Variants in RANBP2 observed in about 807,000 individuals in gnomAD.
RANBP2 encodes E3 SUMO-protein ligase RanBP2.
RANBP2 carries 57 observed loss-of-function variants against 303.6 expected under a neutral mutation model. That is an observed-to-expected ratio of 0.19 (90% CI 0.15 to 0.23). The LOEUF (loss-of-function observed/expected upper bound fraction) is 0.23. Ranked by LOEUF, RANBP2 falls within the 10% of genes least tolerant of loss-of-function variation. RANBP2 has a pLI of 1.00. For synonymous variants in RANBP2, 1,167 were observed against 1,301.5 expected (o/e 0.90, Z 2.23); for missense variants, 3,138 against 3,780.8 (o/e 0.83, Z 4.46).
chr2:109,097,803 T>C, the RANBP2 span, among the ~76,000 whole-genome samples: 1 of 151,802 alleles, frequency 6.6e-6, no homozygotes, highest in Non-Finnish European at 1.5e-5. Context: ...CCTGTAGGCC[T>C]GCTTGCTTCA....
the RANBP2 span, among the ~76,000 whole-genome samples, chr2:109,144,810 C>G: frequency 1.3e-5 from 2 of 152,226 alleles, no homozygotes; most frequent in South Asian, 4.1e-4. Context: ...CAGCAGAGCA[C>G]TGACCCGGGG....
the RANBP2 span, chr2:108,907,776 G>A: frequency 6.6e-7 from 1 of 1,519,256 alleles, no homozygotes; most frequent in East Asian, 2.3e-5. Context: ...TTGCAGGAGA[G>A]CTGATTCAAT....
At chr2:109,614,818 C>T in the RANBP2 span, 23 of 1,453,222 alleles carry the variant, frequency 1.6e-5, no homozygotes, top group Non-Finnish European at 2.0e-5. Flanking sequence ...GACGGCCCTG[C>T]CGGGCCCGAG....
the RANBP2 span, among the ~76,000 whole-genome samples, chr2:109,268,021 T>G: frequency 0.35 from 52,399 of 151,308 alleles, 10,210 homozygotes; most frequent in East Asian, 0.86. Context: ...GTCCTTGGAC[T>G]CTGTGTCCAG....
intron 20 of RANBP2, among the ~76,000 whole-genome samples, chr2:108,770,770 T>C (rs1677442904): frequency 6.6e-6 from 1 of 152,234 alleles, no homozygotes; most frequent in African/African-American, 2.4e-5. Flanking sequence ...CTAATTAATA[T>C]AAAAATTAAT....
At chr2:109,616,254 C>A in the RANBP2 span, 1 of 916,126 alleles carries the variant, frequency 1.1e-6, no homozygotes. Flanking sequence ...TTCAGAGATT[C>A]ATCATACCTT....
the RANBP2 span, among the ~76,000 whole-genome samples, chr2:109,640,897 C>T: frequency 1.4e-4 from 22 of 152,236 alleles, no homozygotes; most frequent in South Asian, 4.4e-3. Context: ...CCTTCCAAAT[C>T]GACTCTTAAA....
downstream of RANBP2, among the ~76,000 whole-genome samples, chr2:108,789,621 C>G (rs1679565889): frequency 6.6e-6 from 1 of 152,098 alleles, no homozygotes; most frequent in South Asian, 2.1e-4. Context: ...ACAAAAAAAA[C>G]TGCCATACAG....
At chr2:109,488,795 A>G in the RANBP2 span, among the ~76,000 whole-genome samples, 9 of 152,180 alleles carry the variant, frequency 5.9e-5, no homozygotes, top group African/African-American at 2.2e-4. Flanking sequence ...GCTGTTTCCT[A>G]TTGCTCACAA....
chr2:109,399,707 C>A, the RANBP2 span, among the ~76,000 whole-genome samples: 1 of 152,218 alleles, frequency 6.6e-6, no homozygotes, highest in Non-Finnish European at 1.5e-5. Context: ...TCTGACAAGA[C>A]CCCTCACAGT....
At chr2:109,437,035 A>G in the RANBP2 span, 35 of 1,613,622 alleles carry the variant, frequency 2.2e-5, no homozygotes, top group South Asian at 3.4e-4. Context: ...CCTGCCCATC[A>G]CCACTCCCCA....
chr2:109,384,902 A>G, the RANBP2 span, among the ~76,000 whole-genome samples: 1 of 152,180 alleles, frequency 6.6e-6, no homozygotes, highest in Non-Finnish European at 1.5e-5. Context: ...TCACACAGCC[A>G]TGGAACCAGG....
At chr2:109,471,944 C>G in the RANBP2 span, among the ~76,000 whole-genome samples, 1 of 152,194 alleles carries the variant, frequency 6.6e-6, no homozygotes, top group African/African-American at 2.4e-5. Flanking sequence ...GTAACTTGGT[C>G]TGAAGCAGGC....
chr2:109,484,929 G>A, the RANBP2 span, among the ~76,000 whole-genome samples: 1 of 152,214 alleles, frequency 6.6e-6, no homozygotes, highest in African/African-American at 2.4e-5. Context: ...ACATCTTTGT[G>A]TGTACCTGGT....
the RANBP2 span, among the ~76,000 whole-genome samples, chr2:109,548,370 A>G: frequency 1.3e-4 from 20 of 152,218 alleles, no homozygotes; most frequent in Admixed American, 1.3e-3. Context: ...TCATGCAAAC[A>G]AAGCAGGACT....
At chr2:108,865,646 A>G in the RANBP2 span, among the ~76,000 whole-genome samples, 1 of 152,144 alleles carries the variant, frequency 6.6e-6, no homozygotes, top group Non-Finnish European at 1.5e-5. Flanking sequence ...CTAGGCATCT[A>G]GAATATTTCA....
the RANBP2 span, among the ~76,000 whole-genome samples, chr2:109,690,867 A>C: frequency 6.6e-6 from 1 of 151,932 alleles, no homozygotes; most frequent in African/African-American, 2.4e-5. Flanking sequence ...CTTCATGTAC[A>C]CTCAGTAACT....
chr2:109,675,309 T>C, the RANBP2 span, among the ~76,000 whole-genome samples: 14,069 of 152,238 alleles, frequency 0.092, 775 homozygotes, highest in East Asian at 0.25. Context: ...CACAGGCAAG[T>C]TCTTCCTGGT....
At chr2:109,623,391 C>T in the RANBP2 span, among the ~76,000 whole-genome samples, 15 of 152,348 alleles carry the variant, frequency 9.8e-5, no homozygotes, top group Non-Finnish European at 1.8e-4. Context: ...CTCAGCCACA[C>T]AGCTATCCTG....
Sources: gnomAD v4.1 joint callset for allele counts (sites outside exome capture counted in the v4.1 genomes callset) on GRCh38, gnomAD v4.1.1 for gene constraint, MANE v1.5 for transcripts, NCBI Gene and HGNC (gene_info 2026-07-23, HGNC 2026-07-21) for gene names.